DGUOK: variants seen among roughly 807,000 people sequenced by gnomAD.
The protein encoded by DGUOK is deoxyguanosine kinase.
In DGUOK, 30 loss-of-function variants were observed where a neutral mutation model predicts 36.6. The observed-to-expected ratio is 0.82, with a 90% CI of 0.61 to 1.11. The LOEUF (loss-of-function observed/expected upper bound fraction) is 1.11. Ranked by LOEUF, DGUOK falls within the 50% of genes most tolerant of loss-of-function variation. The pLI is 0.00. For synonymous variants in DGUOK, 145 were observed against 126.3 expected, an observed-to-expected ratio of 1.15 and a Z score of -0.99; for missense variants, 361 against 336.4, an observed-to-expected ratio of 1.07 and a Z score of -0.57.
chr2:73,947,002 T>G lies in DGUOK; in HGVS notation c.443+96T>G, dbSNP rs905247088. The G allele has an allele frequency of 1.3e-5, 15 of 1,154,390 alleles. No homozygotes were observed. The African/African-American group carries it at 2.3e-4, about 18-fold the overall frequency. The allele number at this position is 1,154,390 out of a possible 1,614,324, so 71.5% of individuals were successfully genotyped here. ...CTGCACTGCTATGGTCACTGATGATTATAATTTGAAAAATTATCTTCTTTT... is the reference window on the plus strand; with the variant it reads ...CTGCACTGCTATGGTCACTGATGATGATAATTTGAAAAATTATCTTCTTTT... On this transcript the variant is annotated intron_variant, in intron 3 of 6. Coordinates refer to ENST00000264093, the MANE Select transcript of DGUOK (RefSeq NM_080916.3).
Position 73,939,007 on chromosome 2 carries a change from T to C in DGUOK, c.240T>C (p.Ala80=), listed in dbSNP as rs770100293. The part of the protein sequence containing the change: ...EPVATWQNIQ[A]AGTQKACTAQ... Reference sequence around the variant, plus strand: ...TAGCAACATGGCAGAATATCCAGGCTGCTGGCACCCAAAAAGTAAGTTTTT... The same window carrying C: ...TAGCAACATGGCAGAATATCCAGGCCGCTGGCACCCAAAAAGTAAGTTTTT... Residue 80 remains alanine, a synonymous_variant, in exon 2 of 7, where the codon GCT becomes GCC. Transcript: ENST00000264093. 2 of 1,613,912 alleles carry C rather than the reference T, an allele frequency of 1.2e-6. No individual in the cohort carries two copies. Among genetic ancestry groups the C allele is most frequent in the Non-Finnish European group, 1.7e-6 (2 of 1,179,792 alleles).
chr2:73,930,959 C>T (rs1680986541), intron 1 of DGUOK, among the ~76,000 whole-genome samples: 1 of 151,766 alleles, frequency 6.6e-6, no homozygotes, highest in African/African-American at 2.4e-5. Context: ...CCATGCCCAG[C>T]TAATTTCTTG....
At chr2:73,949,199 G>A (rs1313073151) in intron 3 of DGUOK, among the ~76,000 whole-genome samples, 3 of 152,160 alleles carry the variant, frequency 2.0e-5, no homozygotes, top group African/African-American at 4.8e-5. Context: ...TGATCCGTCC[G>A]CCTCAGCCTC....
intron 5 of DGUOK, 106 bp from the exon 6 acceptor site, chr2:73,958,040 T>C: frequency 2.4e-6 from 2 of 849,498 alleles, no homozygotes; most frequent in Non-Finnish European, 3.9e-6. Context: ...TGAAAAGTCA[T>C]GTTGAATTTA....
rs1680661165 is a variant in DGUOK at position 73,927,158 on chromosome 2, T to A, written c.142+106T>A. 4 of 1,488,974 alleles carry A rather than the reference T, an allele frequency of 2.7e-6. No individual in the cohort carries two copies. The African/African-American group carries it at 4.1e-5, about 15-fold the overall frequency. The allele number at this position is 1,488,974 out of a possible 1,614,324, so 92.2% of individuals were successfully genotyped here. On this transcript the variant is annotated intron_variant, in intron 1 of 6. Coordinates refer to ENST00000264093, the MANE Select transcript of DGUOK (RefSeq NM_080916.3). The stretch of plus-strand genomic sequence containing the variant: ...TGGCCTGCGTCTGATGCGGCCGGCC[T>A]CTTTTTCTGGGCTGCGAGGAGAGCC...
chr2:73,934,555 C>G (rs1481847453), intron 1 of DGUOK, among the ~76,000 whole-genome samples: 1 of 152,118 alleles, frequency 6.6e-6, no homozygotes, highest in Non-Finnish European at 1.5e-5. Context: ...GAGTTCAAGA[C>G]CAGCCTGGCC....
intron 1 of DGUOK, among the ~76,000 whole-genome samples, chr2:73,938,519 A>G (rs1357626117): frequency 6.6e-6 from 1 of 152,156 alleles, no homozygotes; most frequent in Non-Finnish European, 1.5e-5. Flanking sequence ...AATCATTTTT[A>G]TTTTTTGTCT....
intron 4 of DGUOK, among the ~76,000 whole-genome samples, chr2:73,951,411 C>A (rs1464690): frequency 6.6e-6 from 1 of 151,726 alleles, no homozygotes; most frequent in Non-Finnish European, 1.5e-5. Flanking sequence ...TCAATCTAGA[C>A]GATCTCTAAG....
chr2:73,931,383 T>C (rs959643638), intron 1 of DGUOK, among the ~76,000 whole-genome samples: 1 of 152,206 alleles, frequency 6.6e-6, no homozygotes, highest in African/African-American at 2.4e-5. Flanking sequence ...CAAGTGATTC[T>C]CCTGTCTCAG....
At position 73,958,941 on chromosome 2, in the gene DGUOK, A is replaced by AAGTT; in HGVS notation, c.*207_*210dup. On this transcript the variant is annotated 3_prime_UTR_variant, in exon 7 of 7. Transcript: ENST00000264093. ...AGCATTTTGAAAATAAAGTTTACTT[A>AAGTT]AGTTATGCTTGTTTTTCTAATTCAG... 1.6e-6 allele frequency: 1 copy of AAGTT among 606,336 alleles called. No individual in the cohort carries two copies. Among genetic ancestry groups the AAGTT allele is most frequent in the East Asian group, 2.8e-5 (1 of 36,342 alleles). 37.6% of individuals were successfully genotyped at this position (606,336 alleles called of 1,614,324 possible).
chr2:73,941,909 C>CTTTTTTTTTTTTT, intron 2 of DGUOK, among the ~76,000 whole-genome samples: 1 of 142,510 alleles, frequency 7.0e-6, no homozygotes, highest in African/African-American at 2.6e-5. Context: ...TTGTCATTTT[C>CTTTTTTTTTTTTT]TTTTTTTTTT....
rs1681774142 is a variant in DGUOK at position 73,939,906 on chromosome 2, C to CT, written c.255+884_255+885insT. ...TTCTTTCTCCCCCTCAAGTCTCTCTCCTTTTTTTTTTTTTTTTGACAGTCT... is the reference window on the plus strand; with the variant it reads ...TTCTTTCTCCCCCTCAAGTCTCTCTCTCTTTTTTTTTTTTTTTTGACAGTCT... On this transcript the variant is annotated intron_variant, in intron 2 of 6. Coordinates refer to ENST00000264093, the MANE Select transcript of DGUOK (RefSeq NM_080916.3). 3.1e-5 allele frequency among the ~76,000 whole-genome samples: 4 copies of CT among 129,282 alleles called. No individual in the cohort carries two copies. The South Asian group carries it at 9.8e-4, about 32-fold the overall frequency. 84.8% of individuals were successfully genotyped at this position (129,282 alleles called of 152,430 possible). A position where few individuals can be genotyped will look rare whatever the true frequency, so the allele number is the denominator to read the frequency against.
chr2:73,950,514 T>C, intron 3 of DGUOK, 71 bp from the exon 4 acceptor site: 1 of 1,541,084 alleles, frequency 6.5e-7, no homozygotes, highest in South Asian at 1.1e-5. Flanking sequence ...TCTGCTTCTC[T>C]CTCTCTCTCG....
At chr2:73,945,398 G>T (rs1319052632) in intron 2 of DGUOK, among the ~76,000 whole-genome samples, 1 of 152,102 alleles carries the variant, frequency 6.6e-6, no homozygotes, top group African/African-American at 2.4e-5. Context: ...TTAGATGGAG[G>T]GTGTTGGAAT....
At chr2:73,939,496 G>A (rs1681737326) in intron 2 of DGUOK, among the ~76,000 whole-genome samples, 3 of 152,214 alleles carry the variant, frequency 2.0e-5, no homozygotes, top group Admixed American at 2.0e-4. Flanking sequence ...TATGTGCCAG[G>A]CACTGTACTA....
intron 1 of DGUOK, among the ~76,000 whole-genome samples, chr2:73,935,550 C>T (rs1681396833): frequency 6.6e-6 from 1 of 152,120 alleles, no homozygotes; most frequent in Admixed American, 6.5e-5. Flanking sequence ...TTAATAAAAC[C>T]ATGTAACTTT....
intron 2 of DGUOK, among the ~76,000 whole-genome samples, chr2:73,942,140 CCT>C (rs1425510124): frequency 6.6e-6 from 1 of 152,022 alleles, no homozygotes; most frequent in Admixed American, 6.6e-5. Flanking sequence ...GAACTCCTGA[CCT>C]CAGGTAATCC....
intron 1 of DGUOK, among the ~76,000 whole-genome samples, chr2:73,933,359 T>C (rs555087295): frequency 6.6e-6 from 1 of 152,320 alleles, no homozygotes; most frequent in African/African-American, 2.4e-5. Context: ...CCAGTCTAGC[T>C]GGAGGGAGTG....
intron 1 of DGUOK, among the ~76,000 whole-genome samples, chr2:73,933,822 C>G (rs1681244487): frequency 6.6e-6 from 1 of 152,044 alleles, no homozygotes; most frequent in Non-Finnish European, 1.5e-5. Flanking sequence ...TAGTACTTAC[C>G]TCTGAGTAGC....
Sources: allele counts gnomAD v4.1 joint callset (sites outside exome capture counted in the v4.1 genomes callset), GRCh38; gene constraint gnomAD v4.1.1; transcripts MANE v1.5; gene names NCBI Gene and HGNC (gene_info 2026-07-23, HGNC 2026-07-21).